The following DCAF17 variants were observed in gnomAD, a reference collection of about 807,000 sequenced individuals.
The protein encoded by DCAF17 is DDB1 and CUL4 associated factor 17.
Under a neutral mutation model 66.0 loss-of-function variants are expected in DCAF17, and 48 were observed. The ratio of observed to expected loss-of-function variants is 0.73; its 90% confidence interval spans 0.58 to 0.92. The LOEUF is 0.92. Ranked by LOEUF, DCAF17 falls within the 40% of genes least tolerant of loss-of-function variation. The probability of loss-of-function intolerance (pLI) is 0.00; values close to 1 mark genes in which losing one functional copy is unlikely to be tolerated. For synonymous variants in DCAF17, 206 were observed against 214.6 expected (o/e 0.96, Z 0.35); for missense variants, 562 against 622.8 (o/e 0.90, Z 1.04).
chr2:171,482,362 AT>A lies in DCAF17; in HGVS notation c.*1258del, dbSNP rs745661005. On this transcript the variant is annotated 3_prime_UTR_variant, in exon 14 of 14. Coordinates refer to ENST00000375255, the MANE Select transcript of DCAF17 (RefSeq NM_025000.4). Reference sequence around the variant, plus strand: ...GGATGATTTATATTAAAATCTTTCCATTTTTTTTTTCAGTTTTGGCTTGATG... The same window carrying A: ...GGATGATTTATATTAAAATCTTTCCATTTTTTTTTCAGTTTTGGCTTGATG... 1.7e-4 allele frequency: 74 copies of A among 431,530 alleles called. 1 individual carries two copies. Among genetic ancestry groups the A allele is most frequent in the South Asian group, 3.3e-4 (20 of 60,538 alleles). The allele number at this position is 431,530 out of a possible 1,614,324, so 26.7% of individuals were successfully genotyped here.
intron 10 of DCAF17, among the ~76,000 whole-genome samples, chr2:171,475,914 G>A (rs577966690): frequency 2.0e-5 from 3 of 152,268 alleles, no homozygotes; most frequent in East Asian, 3.9e-4. Flanking sequence ...CTGTGGTTCC[G>A]CTTCAGTAAG....
Position 171,482,585 on chromosome 2 carries a change from T to A in DCAF17, c.*1471T>A, listed in dbSNP as rs1428983288. 3 of 454,072 alleles carry A rather than the reference T, an allele frequency of 6.6e-6. No homozygotes were observed. Among genetic ancestry groups the A allele is most frequent in the Non-Finnish European group, 1.3e-5 (3 of 226,778 alleles). The allele number at this position is 454,072 out of a possible 1,614,324, so 28.1% of individuals were successfully genotyped here. On this transcript the variant is annotated 3_prime_UTR_variant, in exon 14 of 14. Transcript: ENST00000375255. ...TGTGTGAGTTTCAAAGCAGCTGCAA[T>A]GCTGTGTAAAAGTAGAGTGTTCATT...
chr2:171,442,126 A>G (rs916051422), intron 2 of DCAF17, among the ~76,000 whole-genome samples: 2 of 152,372 alleles, frequency 1.3e-5, no homozygotes, highest in Non-Finnish European at 1.5e-5. Context: ...ATAATCGCAT[A>G]TGAAGTTGCC....
intron 3 of DCAF17, chr2:171,447,391 G>C (rs930053285): frequency 2.0e-5 from 7 of 358,218 alleles, no homozygotes; most frequent in Non-Finnish European, 3.8e-5. Flanking sequence ...TTGAGATGGA[G>C]TCTTCTGTCG....
At position 171,453,168 on chromosome 2, in the gene DCAF17, A is replaced by T; in HGVS notation, c.582A>T (p.Arg194=). Residue 194 remains arginine, a synonymous_variant, in exon 6 of 14, where the codon CGA becomes CGT. Coordinates refer to ENST00000375255, the MANE Select transcript of DCAF17 (RefSeq NM_025000.4). ...QHVLLYLAVF[R]VLPFSLVGIL... ...TTTTGCTGTACCTTGCAGTGTTCCG[A>T]GTTCTACCTTTTTCACTTGTAGGGA... 1 of 1,613,492 alleles carries T rather than the reference A, an allele frequency of 6.2e-7. No homozygotes were observed. The highest frequency in any genetic ancestry group is 1.3e-5 in the African/African-American group (1 of 75,038).
At chr2:171,457,490 CTT>C (rs1356454397) in intron 6 of DCAF17, among the ~76,000 whole-genome samples, 2 of 152,194 alleles carry the variant, frequency 1.3e-5, no homozygotes, top group Non-Finnish European at 2.9e-5. Context: ...TGAAGAACAT[CTT>C]TCACTTACCA....
At position 171,482,501 on chromosome 2, in the gene DCAF17, AT is replaced by A. The variant is rs1468970949; in HGVS notation, c.*1388del. 8.8e-6 allele frequency: 4 copies of A among 454,096 alleles called. No individual in the cohort carries two copies. The highest frequency in any genetic ancestry group is 1.8e-5 in the Non-Finnish European group (4 of 226,782). 28.1% of individuals were successfully genotyped at this position (454,096 alleles called of 1,614,324 possible). On this transcript the variant is annotated 3_prime_UTR_variant, in exon 14 of 14. Transcript: ENST00000375255. ...AAATAGTCCCACTCAGTAAACTTAC[AT>A]CTTGAAAAACAAGACCAGTAAGAGG...
chr2:171,447,790 C>T (rs769529754), intron 3 of DCAF17, among the ~76,000 whole-genome samples: 7 of 152,264 alleles, frequency 4.6e-5, no homozygotes, highest in Non-Finnish European at 8.8e-5. Flanking sequence ...GTGGGGACCA[C>T]GATGCCCTTT....
At chr2:171,451,621 G>C (rs1694957692) in intron 5 of DCAF17, among the ~76,000 whole-genome samples, 2 of 152,180 alleles carry the variant, frequency 1.3e-5, no homozygotes, top group Non-Finnish European at 2.9e-5. Context: ...TTGTTGCCAG[G>C]CTAGAGTGTC....
chr2:171,438,292 G>A (rs929613247), intron 2 of DCAF17, among the ~76,000 whole-genome samples: 8 of 152,178 alleles, frequency 5.3e-5, no homozygotes, highest in African/African-American at 1.9e-4. Flanking sequence ...GTCTACCTTG[G>A]TGAACGTTTC....
chr2:171,471,929 T>C (rs1040828013), intron 9 of DCAF17, among the ~76,000 whole-genome samples: 3 of 151,764 alleles, frequency 2.0e-5, no homozygotes, highest in African/African-American at 7.3e-5. Context: ...GTGAGAGAAT[T>C]GATTGAGGCC....
chr2:171,477,867 G>T, intron 11 of DCAF17, 120 bp from the exon 12 acceptor site: 1 of 788,296 alleles, frequency 1.3e-6, no homozygotes, highest in South Asian at 1.5e-5. Flanking sequence ...CTCAGTTGAG[G>T]AAAGAATTGT....
intron 2 of DCAF17, among the ~76,000 whole-genome samples, chr2:171,442,258 AT>A (rs1264553850): frequency 6.6e-6 from 1 of 152,196 alleles, no homozygotes; most frequent in Non-Finnish European, 1.5e-5. Context: ...TTCAAAGTTC[AT>A]TTAAAAAAAT....
chr2:171,460,322 C>T (rs989634528), intron 8 of DCAF17, among the ~76,000 whole-genome samples: 3 of 76,976 alleles, frequency 3.9e-5, no homozygotes, highest in Non-Finnish European at 5.4e-5. Flanking sequence ...GATTCCATCT[C>T]AAAAAAAAAA....
intron 8 of DCAF17, among the ~76,000 whole-genome samples, chr2:171,462,370 A>G (rs1248818444): frequency 1.3e-5 from 2 of 152,230 alleles, no homozygotes; most frequent in African/African-American, 2.4e-5. Context: ...CTATAGATCA[A>G]TAAGAAAAGG....
rs1696876419 is a variant in DCAF17, at chr2:171,484,599, G to T, written c.*3485G>T. The T allele has an allele frequency of 2.2e-6, 1 of 451,920 alleles. No individual in the cohort carries two copies. Among genetic ancestry groups the T allele is most frequent in the South Asian group, 1.6e-5 (1 of 63,580 alleles). The allele number at this position is 451,920 out of a possible 1,614,324, so 28.0% of individuals were successfully genotyped here. On this transcript the variant is annotated 3_prime_UTR_variant, in exon 14 of 14. Transcript: ENST00000375255. ...TAGTTTTTAAATTTTTTTGATTTAA[G>T]ATTTACCTGCAATAAAATGTACAAA...
rs751111716 is a variant in DCAF17 at position 171,469,024 on chromosome 2, T to C, written c.975T>C (p.Asn325=). The part of the protein sequence containing the change: ...GVFHICALKD[N]SLAKNGIQEM... ...TCCATATTTGTGCCCTAAAAGACAATTCCCTGGTAAATGAGTGATCAGACT... is the reference window on the plus strand; with the variant it reads ...TCCATATTTGTGCCCTAAAAGACAACTCCCTGGTAAATGAGTGATCAGACT... Residue 325 remains asparagine (N), a synonymous_variant, in exon 9 of 14, where the codon AAT becomes AAC. Coordinates refer to ENST00000375255, the MANE Select transcript of DCAF17 (RefSeq NM_025000.4). 6.2e-7 allele frequency: 1 copy of C among 1,614,064 alleles called. No individual in the cohort carries two copies. The highest frequency in any genetic ancestry group is 1.7e-4 in the Middle Eastern group (1 of 6,054).
At chr2:171,457,188 A>T (rs1451411259) in intron 6 of DCAF17, among the ~76,000 whole-genome samples, 1 of 152,172 alleles carries the variant, frequency 6.6e-6, no homozygotes, top group South Asian at 2.1e-4. Context: ...AAAAAATACA[A>T]CTCATAATTT....
In DCAF17 at chr2:171,443,516, T is replaced by C. The variant is rs759690510; in HGVS notation, c.231-7T>C. ...AATAATAATCATTTATTTTTCTTTT[T>C]TCCCAGTGTTGCATCTGAGCCAAGA... On this transcript the variant is annotated splice_polypyrimidine_tract_variant and splice_region_variant and intron_variant, in intron 2 of 13. Transcript: ENST00000375255. 5.6e-6 allele frequency: 9 copies of C among 1,608,654 alleles called. No individual in the cohort carries two copies. Among genetic ancestry groups the C allele is most frequent in the South Asian group, 1.1e-5 (1 of 90,918 alleles).
Sources: gnomAD v4.1 joint callset for allele counts (sites outside exome capture counted in the v4.1 genomes callset) on GRCh38, gnomAD v4.1.1 for gene constraint, MANE v1.5 for transcripts, NCBI Gene and HGNC (gene_info 2026-07-23, HGNC 2026-07-21) for gene names.